Variants in PLEKHA3 observed in about 807,000 individuals in gnomAD.
PLEKHA3 encodes the protein pleckstrin homology domain-containing family A member 3.
PLEKHA3 carries 19 observed loss-of-function variants against 39.2 expected under a neutral mutation model. That is an observed-to-expected ratio of 0.48 (90% CI 0.34 to 0.71). PLEKHA3 has a LOEUF of 0.71. Among genes scored for constraint, PLEKHA3 ranks in the 30% least tolerant of loss-of-function variants. The pLI, the probability that PLEKHA3 is intolerant of heterozygous loss-of-function variation, is 0.01. For synonymous variants in PLEKHA3, 97 were observed against 118.6 expected (o/e 0.82, Z 1.18); for missense variants, 253 against 359.5 (o/e 0.70, Z 2.40).
At chr2:178,485,970 A>T (rs1685245039) in intron 2 of PLEKHA3, among the ~76,000 whole-genome samples, 1 of 152,232 alleles carries the variant, frequency 6.6e-6, no homozygotes, top group South Asian at 2.1e-4. Context: ...TTTTGAATGG[A>T]AATAACTTTT....
intron 4 of PLEKHA3, 78 bp downstream of exon 4, chr2:178,494,067 G>A (rs1685401481): frequency 3.4e-6 from 5 of 1,481,906 alleles, no homozygotes; most frequent in African/African-American, 1.4e-5. Flanking sequence ...TCCATAAGAT[G>A]ACAGGCATTT....
At chr2:178,502,731 C>T (rs1685543211) in intron 7 of PLEKHA3, among the ~76,000 whole-genome samples, 1 of 151,564 alleles carries the variant, frequency 6.6e-6, no homozygotes, top group Non-Finnish European at 1.5e-5. Context: ...TCTAGGTGTA[C>T]ATGCTCTATT....
At chr2:178,491,199 C>T (rs1685339351) in intron 3 of PLEKHA3, among the ~76,000 whole-genome samples, 2 of 151,854 alleles carry the variant, frequency 1.3e-5, no homozygotes, top group South Asian at 2.1e-4. Flanking sequence ...TTAGTAGAGA[C>T]GGGGTTTCAC....
In PLEKHA3 at chr2:178,507,739, A is replaced by G. The variant is rs1685626952; in HGVS notation, c.*3852A>G. On this transcript the variant is annotated 3_prime_UTR_variant, in exon 8 of 8. Coordinates refer to ENST00000234453, the MANE Select transcript of PLEKHA3 (RefSeq NM_019091.4). ...TAACTTCCTAAGAAAAGGTGCATAG[A>G]AAGTAAAGATTTTAAGGCTTTACAG... 7.1e-6 allele frequency: 1 copy of G among 141,246 alleles called. No homozygotes were observed. Among genetic ancestry groups the G allele is most frequent in the South Asian group, 2.2e-4 (1 of 4,538 alleles). The allele number at this position is 141,246 out of a possible 1,614,324, so 8.7% of individuals were successfully genotyped here. A position where few individuals can be genotyped will look rare whatever the true frequency, so the allele number is the denominator to read the frequency against.
chr2:178,489,847 A>G (rs1685315685), intron 2 of PLEKHA3, among the ~76,000 whole-genome samples: 1 of 152,160 alleles, frequency 6.6e-6, no homozygotes, highest in Non-Finnish European at 1.5e-5. Context: ...CTCTGCACCA[A>G]AGAGTTAAAC....
chr2:178,491,010 C>CT (rs1204723389), intron 3 of PLEKHA3, among the ~76,000 whole-genome samples, 196 bp downstream of exon 3: 24,810 of 129,476 alleles, frequency 0.19, 3,163 homozygotes, highest in East Asian at 0.6. Context: ...CTCTTTCTTT[C>CT]TTTTTTTTTT....
At chr2:178,493,225 A>C (rs1334633100) in intron 3 of PLEKHA3, among the ~76,000 whole-genome samples, 2 of 152,232 alleles carry the variant, frequency 1.3e-5, no homozygotes, top group Non-Finnish European at 2.9e-5. Flanking sequence ...CTAAGGAAGA[A>C]AGTATGCTCT....
intron 2 of PLEKHA3, among the ~76,000 whole-genome samples, chr2:178,489,994 T>C (rs1463546535): frequency 6.6e-6 from 1 of 152,200 alleles, no homozygotes; most frequent in Non-Finnish European, 1.5e-5. Context: ...AGTAAATATT[T>C]GTTGATGAAT....
At chr2:178,484,552 A>G (rs531430286) in intron 1 of PLEKHA3, among the ~76,000 whole-genome samples, 8 of 152,318 alleles carry the variant, frequency 5.3e-5, no homozygotes, top group African/African-American at 1.4e-4. Context: ...TCTCGGCACT[A>G]TCTGACCCTG....
intron 1 of PLEKHA3, among the ~76,000 whole-genome samples, chr2:178,483,819 C>G (rs1274314863): frequency 1.3e-5 from 2 of 152,224 alleles, no homozygotes; most frequent in African/African-American, 4.8e-5. Context: ...TGGCCCACAT[C>G]TGTAATCCTA....
At chr2:178,482,631 A>G (rs190767793) in intron 1 of PLEKHA3, among the ~76,000 whole-genome samples, 1 of 151,902 alleles carries the variant, frequency 6.6e-6, no homozygotes, top group South Asian at 2.1e-4. Context: ...GTTCCTAAGC[A>G]TGGTGTTGTG....
intron 4 of PLEKHA3, among the ~76,000 whole-genome samples, chr2:178,494,194 T>C (rs370219008): frequency 3.3e-5 from 5 of 152,214 alleles, no homozygotes; most frequent in African/African-American, 4.8e-5. Context: ...GTAGCATATT[T>C]CTCCAGGGGT....
At chr2:178,496,045 T>G (rs965047259) in intron 5 of PLEKHA3, among the ~76,000 whole-genome samples, 6 of 152,322 alleles carry the variant, frequency 3.9e-5, no homozygotes, top group Admixed American at 1.3e-4. Flanking sequence ...TACGTATATC[T>G]TTAAAGGAGT....
chr2:178,494,479 C>A (rs1255057506), intron 4 of PLEKHA3, among the ~76,000 whole-genome samples: 1 of 150,928 alleles, frequency 6.6e-6, no homozygotes, highest in African/African-American at 2.4e-5. Context: ...TAAAATAGGA[C>A]CAGTGAGCTA....
chr2:178,480,747 A>C lies in PLEKHA3; in HGVS notation c.-123A>C. 1.2e-6 allele frequency: 1 copy of C among 808,864 alleles called. No individual in the cohort carries two copies. The highest frequency in any genetic ancestry group is 1.7e-6 in the Non-Finnish European group (1 of 595,888). The allele number at this position is 808,864 out of a possible 1,614,324, so 50.1% of individuals were successfully genotyped here. ...GTCCCTGCGGCGCGCGCAGGCAGAA[A>C]GCGGCTTCGTGCCGGCGGAGGGGGC... On this transcript the variant is annotated 5_prime_UTR_variant, in exon 1 of 8. Coordinates refer to ENST00000234453, the MANE Select transcript of PLEKHA3 (RefSeq NM_019091.4).
At position 178,508,022 on chromosome 2, in the gene PLEKHA3, A is replaced by T. The variant is rs1265478399; in HGVS notation, c.*4135A>T. 1.3e-5 allele frequency: 2 copies of T among 150,886 alleles called. No homozygotes were observed. The highest frequency in any genetic ancestry group is 6.7e-5 in the Admixed American group (1 of 14,912). The allele number at this position is 150,886 out of a possible 1,614,324, so 9.3% of individuals were successfully genotyped here. A position where few individuals can be genotyped will look rare whatever the true frequency, so the allele number is the denominator to read the frequency against. On this transcript the variant is annotated 3_prime_UTR_variant, in exon 8 of 8. Transcript: ENST00000234453. ...CTACTTGACTTGGTGGAATCTTTCAATTTAGAGATTTGTCTGCTTCAGTTC... is the reference window on the plus strand; with the variant it reads ...CTACTTGACTTGGTGGAATCTTTCATTTTAGAGATTTGTCTGCTTCAGTTC...
chr2:178,494,668 T>G (rs766682165), intron 4 of PLEKHA3, among the ~76,000 whole-genome samples: 4 of 152,132 alleles, frequency 2.6e-5, no homozygotes, highest in Non-Finnish European at 5.9e-5. Context: ...GACCTCACAC[T>G]TGCTACAGCA....
intron 5 of PLEKHA3, 150 bp from the exon 6 acceptor site, chr2:178,499,061 T>C (rs1685490792): frequency 1.5e-6 from 1 of 650,518 alleles, no homozygotes; most frequent in South Asian, 2.3e-5. Context: ...TTATGTTGCT[T>C]GAGTCTGTGA....
At chr2:178,493,329 C>T (rs186967192) in intron 3 of PLEKHA3, among the ~76,000 whole-genome samples, 1 of 152,124 alleles carries the variant, frequency 6.6e-6, no homozygotes, top group Non-Finnish European at 1.5e-5. Context: ...GTTTTAATTA[C>T]ATAAAAATTT....
Sources: allele counts gnomAD v4.1 joint callset (sites outside exome capture counted in the v4.1 genomes callset), GRCh38; gene constraint gnomAD v4.1.1; transcripts MANE v1.5; gene names NCBI Gene and HGNC (gene_info 2026-07-23, HGNC 2026-07-21).